KAT6A: variants seen among roughly 807,000 people sequenced by gnomAD.
KAT6A encodes the protein histone acetyltransferase KAT6A.
Under a neutral mutation model 198.4 loss-of-function variants are expected in KAT6A, and 9 were observed. That is an observed-to-expected ratio of 0.05 (90% CI 0.03 to 0.08). The LOEUF (loss-of-function observed/expected upper bound fraction) is 0.08, where lower values mean the gene tolerates loss of function less well. KAT6A is among the 10% of genes least tolerant of loss of function. The probability of loss-of-function intolerance (pLI) is 1.00; values close to 1 mark genes in which losing one functional copy is unlikely to be tolerated. For synonymous variants in KAT6A, 890 were observed against 883.0 expected, an observed-to-expected ratio of 1.01 and a Z score of -0.14; for missense variants, 2,077 against 2,509.9, an observed-to-expected ratio of 0.83 and a Z score of 3.69.
At chr8:42,042,795 T>G (rs1388442883) in intron 2 of KAT6A, among the ~76,000 whole-genome samples, 1 of 152,218 alleles carries the variant, frequency 6.6e-6, no homozygotes, top group Non-Finnish European at 1.5e-5. Context: ...ATCTGGCTGA[T>G]TACCATGAAA....
At chr8:42,036,741 G>A (rs779314939) in intron 2 of KAT6A, among the ~76,000 whole-genome samples, 26 of 152,148 alleles carry the variant, frequency 1.7e-4, no homozygotes, top group Admixed American at 1.2e-3. Flanking sequence ...GGCACCTGTC[G>A]GAATCATGCA....
At chr8:42,045,751 T>TCG (rs1258136031) in intron 2 of KAT6A, among the ~76,000 whole-genome samples, 1 of 149,634 alleles carries the variant, frequency 6.7e-6, no homozygotes, top group East Asian at 2.0e-4. Context: ...GGTGGGCAGG[T>TCG]CGCTTGAGGT....
intron 2 of KAT6A, among the ~76,000 whole-genome samples, chr8:42,030,299 T>C (rs1347226122): frequency 6.6e-6 from 1 of 152,182 alleles, no homozygotes; most frequent in Non-Finnish European, 1.5e-5. Context: ...CTCTTACCTG[T>C]TCTCCACACT....
chr8:42,035,558 A>T (rs1025175130), intron 2 of KAT6A, among the ~76,000 whole-genome samples: 1 of 152,234 alleles, frequency 6.6e-6, no homozygotes, highest in African/African-American at 2.4e-5. Context: ...GCAAAAGATA[A>T]AACGCCAATA....
At chr8:41,960,786 C>T (rs888691382) in intron 8 of KAT6A, among the ~76,000 whole-genome samples, 1 of 152,062 alleles carries the variant, frequency 6.6e-6, no homozygotes, top group African/African-American at 2.4e-5. Flanking sequence ...CCAGTGCTTC[C>T]ATCAGCTTTC....
intron 8 of KAT6A, among the ~76,000 whole-genome samples, chr8:41,973,235 T>A (rs1464163211): frequency 1.3e-5 from 2 of 152,130 alleles, no homozygotes; most frequent in Non-Finnish European, 2.9e-5. Flanking sequence ...AGAATTTTTT[T>A]TTTTTTTTGA....
At chr8:42,051,173 G>T (rs1802609515) in intron 1 of KAT6A, among the ~76,000 whole-genome samples, 1 of 152,140 alleles carries the variant, frequency 6.6e-6, no homozygotes, top group South Asian at 2.1e-4. Context: ...TCTGGGGGCC[G>T]GCTCGAGGGC....
intron 12 of KAT6A, among the ~76,000 whole-genome samples, chr8:41,944,713 G>A (rs1426163874): frequency 6.6e-6 from 1 of 152,200 alleles, no homozygotes; most frequent in Non-Finnish European, 1.5e-5. Context: ...CGGACTGTTT[G>A]TATACCATAC....
intron 5 of KAT6A, among the ~76,000 whole-genome samples, chr8:41,979,342 A>G (rs1824229421): frequency 6.6e-6 from 1 of 152,054 alleles, no homozygotes. Flanking sequence ...AAGGAGTCCT[A>G]AGGAAATGTT....
At chr8:41,960,381 A>G (rs1034766205) in intron 8 of KAT6A, among the ~76,000 whole-genome samples, 4 of 151,910 alleles carry the variant, frequency 2.6e-5, no homozygotes, top group East Asian at 1.9e-4. Context: ...CATCCTGGCT[A>G]GCAAGGTGAA....
chr8:41,979,055 G>A (rs1824213250), intron 5 of KAT6A, among the ~76,000 whole-genome samples: 1 of 152,300 alleles, frequency 6.6e-6, no homozygotes, highest in African/African-American at 2.4e-5. Context: ...ATCACCTGAG[G>A]TCAGGAGTTT....
chr8:41,933,234 C>T lies in KAT6A; in HGVS notation c.4986G>A (p.Pro1662=), dbSNP rs777472787. 1.4e-5 allele frequency: 21 copies of T among 1,551,072 alleles called. No individual in the cohort carries two copies. Among genetic ancestry groups the T allele is most frequent in the South Asian group, 3.5e-5 (3 of 85,294 alleles). Reference sequence around the variant, plus strand: ...GTGGTGCTGGTTGTGGTTGTGGCGGCGGCGGCTGTGGCTGCTGTGGAGGCG... The same window carrying T: ...GTGGTGCTGGTTGTGGTTGTGGCGGTGGCGGCTGTGGCTGCTGTGGAGGCG... ...PPPPPQQPQP[P]PPQPQPAPQP... Residue 1662 remains proline (P), a synonymous_variant, in exon 17 of 17, where the codon CCG becomes CCA. Transcript: ENST00000265713. The surrounding 1 kb of genome is among the most constrained non-coding windows in gnomAD (Gnocchi z 6.2).
intron 2 of KAT6A, among the ~76,000 whole-genome samples, chr8:42,027,040 T>C (rs887175759): frequency 2.0e-5 from 3 of 152,244 alleles, no homozygotes; most frequent in African/African-American, 7.2e-5. Context: ...ATTTGTCCAC[T>C]CTATTGATGC....
chr8:41,994,849 A>T (rs1374642256), intron 2 of KAT6A, among the ~76,000 whole-genome samples: 1 of 152,032 alleles, frequency 6.6e-6, no homozygotes, highest in Non-Finnish European at 1.5e-5. Context: ...CGAGGTCAGG[A>T]GTTCAAGAGC....
chr8:41,951,835 A>G (rs551442097), intron 9 of KAT6A, among the ~76,000 whole-genome samples: 8 of 152,358 alleles, frequency 5.3e-5, no homozygotes, highest in African/African-American at 1.9e-4. Flanking sequence ...TAAAAATTAT[A>G]CCAAATATTA....
At chr8:41,969,779 C>T (rs1394531269) in intron 8 of KAT6A, among the ~76,000 whole-genome samples, 4 of 152,128 alleles carry the variant, frequency 2.6e-5, no homozygotes, top group Non-Finnish European at 4.4e-5. Context: ...TCACCTTATG[C>T]AACTCTTCTG....
Position 41,947,731 on chromosome 8 carries a change from C to T in KAT6A, c.1902+20G>A, listed in dbSNP as rs10504048. On this transcript the variant is annotated intron_variant, in intron 11 of 16. Coordinates refer to ENST00000265713, the MANE Select transcript of KAT6A (RefSeq NM_006766.5). ...AGATTTCTATATGAGTTCAAACAAA[C>T]TTTAAGCTGACATACTTACCTTAGA... 0.22 allele frequency: 351,805 copies of T among 1,573,708 alleles called. 42,926 individuals carry two copies. Among genetic ancestry groups the T allele is most frequent in the Non-Finnish European group, 0.25 (286,958 of 1,165,790 alleles).
rs145411341 is a variant in KAT6A at position 42,048,525 on chromosome 8, G to C, written c.453C>G (p.Ile151Met). ...SGFHQQLRLA[I>M]KRAIGHGRLL... ...GTCTGCCGTGGCCAATGGCACGTTT[G>C]ATAGCCAATCGTAACTGCTGGTGAA... Residue 151 changes from isoleucine (I) to methionine (M), a missense_variant, in exon 2 of 17, where the codon ATC (isoleucine) becomes ATG (methionine). By Grantham distance (10) the Ile-to-Met change is conservative. Transcript: ENST00000265713. 1 of 1,614,174 alleles carries C rather than the reference G, an allele frequency of 6.2e-7. No homozygotes were observed. Among genetic ancestry groups the C allele is most frequent in the Admixed American group, 1.7e-5 (1 of 60,024 alleles).
chr8:42,051,334 C>G (rs1008574291), intron 1 of KAT6A, among the ~76,000 whole-genome samples: 10 of 151,842 alleles, frequency 6.6e-5, no homozygotes, highest in Non-Finnish European at 1.3e-4. Flanking sequence ...GCCGGCCTGT[C>G]AGCCCCGCTC....
Sources: allele counts gnomAD v4.1 joint callset (sites outside exome capture counted in the v4.1 genomes callset), GRCh38; gene constraint gnomAD v4.1.1; non-coding constraint Gnocchi (gnomAD v3.1); transcripts MANE v1.5; gene names NCBI Gene and HGNC (gene_info 2026-07-23, HGNC 2026-07-21).